MAP2K5: variants seen among roughly 807,000 people sequenced by gnomAD.
The protein encoded by MAP2K5 is mitogen-activated protein kinase kinase 5, also known as dual specificity mitogen-activated protein kinase kinase 5.
Under a neutral mutation model 83.1 loss-of-function variants are expected in MAP2K5, and 49 were observed. The ratio of observed to expected loss-of-function variants is 0.59; its 90% CI spans 0.47 to 0.75. The LOEUF (loss-of-function observed/expected upper bound fraction) is 0.75, where lower values mean the gene tolerates loss of function less well. MAP2K5 is among the 30% of genes least tolerant of loss of function. MAP2K5 has a pLI of 0.00. For synonymous variants in MAP2K5, 202 were observed against 191.8 expected (o/e 1.05, Z -0.44); for missense variants, 457 against 557.5 (o/e 0.82, Z 1.82).
intron 12 of MAP2K5, among the ~76,000 whole-genome samples, chr15:67,663,910 A>G (rs1349142946): frequency 1.3e-5 from 2 of 152,198 alleles, no homozygotes; most frequent in African/African-American, 4.8e-5. Flanking sequence ...AAGTGTCATG[A>G]CTTCAAAAAA....
At chr15:67,771,058 A>T (rs2090131356) in intron 20 of MAP2K5, among the ~76,000 whole-genome samples, 1 of 152,170 alleles carries the variant, frequency 6.6e-6, no homozygotes, top group East Asian at 1.9e-4. Context: ...CTCCTTAATG[A>T]TGTTAGAACC....
rs180804590 is a variant in MAP2K5 at position 67,653,119 on chromosome 15, A to G, written c.737-5434A>G. On this transcript the variant is annotated intron_variant, in intron 11 of 21. Transcript: ENST00000178640. ...AGAATTAATCTGTTTCATCTAGGTT[A>G]TCTAATTTATTGATACACAGTTCTG... 7.1e-4 allele frequency among the ~76,000 whole-genome samples: 108 copies of G among 152,172 alleles called. 1 individual carries two copies. Among genetic ancestry groups the G allele is most frequent in the Middle Eastern group, 3.4e-3 (1 of 294 alleles).
At chr15:67,642,381 G>T in intron 9 of MAP2K5, 2 of 1,564,732 alleles carry the variant, frequency 1.3e-6, no homozygotes, top group South Asian at 2.4e-5. Flanking sequence ...CTTGAGAGGC[G>T]CATAGCCACT....
chr15:67,553,078 C>T (rs2084545373), intron 2 of MAP2K5, among the ~76,000 whole-genome samples: 1 of 152,118 alleles, frequency 6.6e-6, no homozygotes, highest in African/African-American at 2.4e-5. Context: ...AACTATCATT[C>T]ATTGATAGCT....
In MAP2K5 at chr15:67,572,196, C is replaced by G. The variant is rs1312085717; in HGVS notation, c.253-8558C>G. Among the ~76,000 whole-genome samples, 2 of 152,044 alleles carry G rather than the reference C, an allele frequency of 1.3e-5. No homozygotes were observed. The highest frequency in any genetic ancestry group is 2.4e-5 in the African/African-American group (1 of 41,380). On this transcript the variant is annotated intron_variant, in intron 3 of 21. Transcript: ENST00000178640. This position sits in a 1 kb window ranked among gnomAD's most constrained non-coding sequence, Gnocchi z 4.2. ...GAAAGAACAGTGTGTTTAAAGAATG[C>G]CTGGTGAGTCAGTAGGAGCTGCCTG...
intron 3 of MAP2K5, among the ~76,000 whole-genome samples, chr15:67,567,712 TACAC>T (rs1567277919): frequency 1.3e-5 from 2 of 152,266 alleles, no homozygotes; most frequent in East Asian, 3.9e-4. Flanking sequence ...AGAAAAAAAA[TACAC>T]ACAACCTACA....
chr15:67,765,348 A>C (rs2090021480), intron 19 of MAP2K5, among the ~76,000 whole-genome samples: 1 of 147,826 alleles, frequency 6.8e-6, no homozygotes, highest in Non-Finnish European at 1.5e-5. Context: ...ACAGAGCGAG[A>C]CTCCATCTAA....
At chr15:67,570,113 CCTT>C (rs1331995794) in intron 3 of MAP2K5, among the ~76,000 whole-genome samples, 1 of 152,218 alleles carries the variant, frequency 6.6e-6, no homozygotes, top group Non-Finnish European at 1.5e-5. Flanking sequence ...AATTTAAACT[CCTT>C]CTGCCAACAC....
chr15:67,742,056 G>T (rs140568177), intron 17 of MAP2K5, among the ~76,000 whole-genome samples: 1 of 152,022 alleles, frequency 6.6e-6, no homozygotes, highest in Non-Finnish European at 1.5e-5. Context: ...CACCACACCC[G>T]GCTAATTTTT....
intron 21 of MAP2K5, 24 bp from the exon 22 acceptor site, chr15:67,806,622 A>G: frequency 6.5e-7 from 1 of 1,544,398 alleles, no homozygotes; most frequent in Non-Finnish European, 8.7e-7. Flanking sequence ...ACTGCCTGTC[A>G]CAGCCTCCTC....
In MAP2K5 at chr15:67,647,330, G is replaced by A. The variant is rs1370915553; in HGVS notation, c.736+861G>A. 3.3e-5 allele frequency among the ~76,000 whole-genome samples: 5 copies of A among 152,158 alleles called. No individual in the cohort carries two copies. The East Asian group carries it at 7.7e-4, about 23-fold the overall frequency. ...AAATTAAAAATCTTACAGCCATATA[G>A]GTAAGTATGGTAACTGTGGAGACTG... On this transcript the variant is annotated intron_variant, in intron 11 of 21. Coordinates refer to ENST00000178640, the MANE Select transcript of MAP2K5 (RefSeq NM_145160.3).
At chr15:67,731,864 C>G (rs1237378229) in intron 17 of MAP2K5, among the ~76,000 whole-genome samples, 1 of 152,208 alleles carries the variant, frequency 6.6e-6, no homozygotes, top group Non-Finnish European at 1.5e-5. Context: ...TTTGCCCTCT[C>G]TGCCCTAGGG....
rs532382157 is a variant in MAP2K5 at position 67,587,679 on chromosome 15, C to T, written c.431+766C>T. ...GCCCACTCATAACGTTTTAGTTAAGCCCTCAGAACGTGGTTGTTCCCTCTT... is the reference window on the plus strand; with the variant it reads ...GCCCACTCATAACGTTTTAGTTAAGTCCTCAGAACGTGGTTGTTCCCTCTT... On this transcript the variant is annotated intron_variant, in intron 6 of 21. Transcript: ENST00000178640. The surrounding 1 kb of genome is among the most constrained non-coding windows in gnomAD (Gnocchi z 4.8). Among the ~76,000 whole-genome samples, 1 of 152,272 alleles carries T rather than the reference C, an allele frequency of 6.6e-6. No homozygotes were observed. Among genetic ancestry groups the T allele is most frequent in the South Asian group, 2.1e-4 (1 of 4,832 alleles).
chr15:67,672,620 A>G (rs1236064837), intron 13 of MAP2K5, among the ~76,000 whole-genome samples: 1 of 149,196 alleles, frequency 6.7e-6, no homozygotes, highest in Non-Finnish European at 1.5e-5. Context: ...TTGCCTGTTC[A>G]CTCTGATGGT....
rs545231277 is a variant in MAP2K5, at chr15:67,690,565, G to A, written c.848-1914G>A. 1.3e-5 allele frequency among the ~76,000 whole-genome samples: 2 copies of A among 148,440 alleles called. No individual in the cohort carries two copies. Among genetic ancestry groups the A allele is most frequent in the African/African-American group, 2.5e-5 (1 of 40,034 alleles). On this transcript the variant is annotated intron_variant, in intron 13 of 21. Transcript: ENST00000178640. This position sits in a 1 kb window ranked among gnomAD's most constrained non-coding sequence, Gnocchi z 4.3. ...TTTTTTTTTTTTTGAGACAAGTCTC[G>A]CTCTGATACCCAGGCTACAGTGCAG...
At chr15:67,756,856 G>A (rs865790442) in intron 19 of MAP2K5, among the ~76,000 whole-genome samples, 2 of 152,028 alleles carry the variant, frequency 1.3e-5, no homozygotes, top group Non-Finnish European at 1.5e-5. Context: ...TTCATATGCT[G>A]TTGCAAATGA....
intron 21 of MAP2K5, among the ~76,000 whole-genome samples, chr15:67,798,154 G>C (rs2090637528): frequency 6.6e-6 from 1 of 152,170 alleles, no homozygotes; most frequent in African/African-American, 2.4e-5. Flanking sequence ...GTGTGGACAT[G>C]CTGCAGACTC....
intron 12 of MAP2K5, among the ~76,000 whole-genome samples, chr15:67,663,323 A>G (rs1176244408): frequency 6.6e-6 from 1 of 152,174 alleles, no homozygotes; most frequent in Non-Finnish European, 1.5e-5. Context: ...GTCTAGGATT[A>G]TTCATTGCAT....
At chr15:67,590,375 T>TTTTCA in intron 6 of MAP2K5, among the ~76,000 whole-genome samples, 1 of 151,800 alleles carries the variant, frequency 6.6e-6, no homozygotes, top group Non-Finnish European at 1.5e-5. Flanking sequence ...CTTTTTTTCC[T>TTTTCA]TTTCATTTCT....
Sources: gnomAD v4.1 joint callset for allele counts (sites outside exome capture counted in the v4.1 genomes callset) on GRCh38, gnomAD v4.1.1 for gene constraint, Gnocchi (gnomAD v3.1) non-coding constraint, MANE v1.5 for transcripts, NCBI Gene and HGNC (gene_info 2026-07-23, HGNC 2026-07-21) for gene names.